Variants in ZZZ3 observed in about 807,000 individuals in gnomAD.
The protein encoded by ZZZ3 is zinc finger ZZ-type containing 3, also known as ZZ-type zinc finger-containing protein 3.
Under a neutral mutation model 95.2 loss-of-function variants are expected in ZZZ3, and 22 were observed. The ratio of observed to expected loss-of-function variants is 0.23; its 90% confidence interval spans 0.17 to 0.33. The LOEUF (loss-of-function observed/expected upper bound fraction) is 0.33, where lower values mean the gene tolerates loss of function less well. Ranked by LOEUF, ZZZ3 falls within the 10% of genes least tolerant of loss-of-function variation. The pLI, the probability that ZZZ3 is intolerant of heterozygous loss-of-function variation, is 1.00. For synonymous variants in ZZZ3, 335 were observed against 358.9 expected (o/e 0.93, Z 0.75); for missense variants, 885 against 1,066.5 (o/e 0.83, Z 2.37).
At chr1:77,662,435 C>T (rs1281384852) in intron 1 of ZZZ3, among the ~76,000 whole-genome samples, 1 of 152,098 alleles carries the variant, frequency 6.6e-6, no homozygotes, top group African/African-American at 2.4e-5. Context: ...TAAACCAATG[C>T]ACCTCACCCA....
intron 1 of ZZZ3, among the ~76,000 whole-genome samples, chr1:77,661,750 G>C (rs1670808422): frequency 6.6e-6 from 1 of 152,066 alleles, no homozygotes; most frequent in South Asian, 2.1e-4. Flanking sequence ...TTCCAAGTTA[G>C]AGGAGTCTCT....
chr1:77,650,931 G>T (rs973165944), intron 1 of ZZZ3, among the ~76,000 whole-genome samples: 3 of 152,000 alleles, frequency 2.0e-5, no homozygotes, highest in African/African-American at 2.4e-5. Flanking sequence ...CACAACAAGG[G>T]TACCAAAACA....
At chr1:77,639,286 A>G (rs951448146) in intron 4 of ZZZ3, among the ~76,000 whole-genome samples, 163 bp downstream of exon 4, 3 of 152,008 alleles carry the variant, frequency 2.0e-5, no homozygotes, top group African/African-American at 7.2e-5. Context: ...TTCATTCCTA[A>G]CCCATTCCCT....
chr1:77,669,874 T>C (rs1671593981), intron 1 of ZZZ3, among the ~76,000 whole-genome samples: 1 of 152,056 alleles, frequency 6.6e-6, no homozygotes, highest in African/African-American at 2.4e-5. Context: ...AAGAAAACTG[T>C]AATAGGCTGA....
At position 77,632,269 on chromosome 1, in the gene ZZZ3, T is replaced by C. The variant is rs1264876465; in HGVS notation, c.1086A>G (p.Ser362=). The C allele has an allele frequency of 1.2e-6, 2 of 1,614,150 alleles. No homozygotes were observed. The highest frequency in any genetic ancestry group is 1.7e-6 in the Non-Finnish European group (2 of 1,180,014). ...GTTCTGATAAAGACATCATTTGAGC[T>C]GAAACACAGTCTAGAACAGGAGATG... The part of the protein sequence containing the change: ...PEPSPVLDCV[S]AQMMSLSEPQ... Residue 362 remains serine (S), a synonymous_variant, in exon 5 of 15, where the codon TCA becomes TCG. Coordinates refer to ENST00000370801, the MANE Select transcript of ZZZ3 (RefSeq NM_015534.6).
chr1:77,578,918 C>T (rs748134357), intron 10 of ZZZ3, 49 bp from the exon 11 acceptor site: 145 of 1,233,486 alleles, frequency 1.2e-4, no homozygotes, highest in Non-Finnish European at 1.6e-4. Flanking sequence ...ACATACAATA[C>T]CTGAGTCGTT....
chr1:77,570,638 GTTATT>G (rs1405900811), intron 12 of ZZZ3, among the ~76,000 whole-genome samples: 4 of 150,522 alleles, frequency 2.7e-5, no homozygotes, highest in African/African-American at 7.3e-5. Context: ...ACTTTTTCCT[GTTATT>G]TTATTTTTAT....
chr1:77,647,322 C>A (rs1429761220), intron 1 of ZZZ3, among the ~76,000 whole-genome samples: 1 of 152,116 alleles, frequency 6.6e-6, no homozygotes, highest in African/African-American at 2.4e-5. Context: ...GGTTCAAAAC[C>A]GGCCTAGCCA....
intron 1 of ZZZ3, among the ~76,000 whole-genome samples, chr1:77,661,522 C>G (rs1189567019): frequency 1.3e-5 from 2 of 152,066 alleles, no homozygotes; most frequent in East Asian, 3.8e-4. Context: ...GAAAACATAC[C>G]ATACTGGCTT....
chr1:77,627,901 C>A (rs1366860353), intron 5 of ZZZ3, among the ~76,000 whole-genome samples: 2 of 152,190 alleles, frequency 1.3e-5, no homozygotes, highest in Non-Finnish European at 2.9e-5. Flanking sequence ...TACCCAAGGT[C>A]TTTCAAACAC....
At chr1:77,577,781 C>T (rs373813204) in intron 11 of ZZZ3, among the ~76,000 whole-genome samples, 1 of 152,066 alleles carries the variant, frequency 6.6e-6, no homozygotes, top group Non-Finnish European at 1.5e-5. Flanking sequence ...CCACCACACC[C>T]GGCTAATTTT....
At chr1:77,665,557 T>A (rs1671172466) in intron 1 of ZZZ3, among the ~76,000 whole-genome samples, 1 of 152,204 alleles carries the variant, frequency 6.6e-6, no homozygotes, top group African/African-American at 2.4e-5. Context: ...GTTTCTAAAT[T>A]TAAAATAGTA....
At position 77,565,602 on chromosome 1, in the gene ZZZ3, G is replaced by A. The variant is rs182576439; in HGVS notation, c.*38C>T. On this transcript the variant is annotated 3_prime_UTR_variant, in exon 15 of 15. Transcript: ENST00000370801. ...TAATTAACAATGATACCATTGCTAT[G>A]TGTTGAAGAGGACTAGTAAATGATG... The A allele has an allele frequency of 1.7e-4, 271 of 1,598,776 alleles. No individual in the cohort carries two copies. Among genetic ancestry groups the A allele is most frequent in the Non-Finnish European group, 2.1e-4 (245 of 1,170,662 alleles).
At chr1:77,611,242 AAAAAAAAAC>A (rs1373788088) in intron 5 of ZZZ3, among the ~76,000 whole-genome samples, 6 of 149,016 alleles carry the variant, frequency 4.0e-5, no homozygotes, top group Non-Finnish European at 8.9e-5. Flanking sequence ...CAAAAAAAAA[AAAAAAAAAC>A]AACCCACATG....
Position 77,632,185 on chromosome 1 carries a change from A to G in ZZZ3, c.1170T>C (p.Gly390=), listed in dbSNP as rs1212397845. 2.5e-6 allele frequency: 4 copies of G among 1,613,926 alleles called. No homozygotes were observed. Among genetic ancestry groups the G allele is most frequent in the East Asian group, 2.2e-5 (1 of 44,890 alleles). The part of the protein sequence containing the change: ...TSPRRAAPTR[G]SPTKNSSPYR... ...AAGGAGAACTGTTTTTAGTGGGACT[A>G]CCTCTGGTAGGGGCTGCCCTTCGTG... The change falls in exon 5 of 15, where the codon GGT becomes GGC. Residue 390 remains glycine (G), a synonymous_variant. Transcript: ENST00000370801.
chr1:77,680,247 A>C (rs1270283069), intron 1 of ZZZ3, among the ~76,000 whole-genome samples: 1 of 152,234 alleles, frequency 6.6e-6, no homozygotes, highest in African/African-American at 2.4e-5. Flanking sequence ...ATAGACCCAG[A>C]ACTATCTAAA....
At chr1:77,653,262 T>G (rs926562278) in intron 1 of ZZZ3, among the ~76,000 whole-genome samples, 2 of 152,176 alleles carry the variant, frequency 1.3e-5, no homozygotes, top group Non-Finnish European at 2.9e-5. Flanking sequence ...GATAAGTGAT[T>G]GCAGAGACTG....
At chr1:77,647,179 A>C (rs1187548851) in intron 1 of ZZZ3, among the ~76,000 whole-genome samples, 3 of 152,198 alleles carry the variant, frequency 2.0e-5, no homozygotes, top group Non-Finnish European at 4.4e-5. Flanking sequence ...GAATCGGAAA[A>C]AAATACATGG....
intron 5 of ZZZ3, among the ~76,000 whole-genome samples, chr1:77,622,077 G>A (rs1016400227): frequency 2.0e-5 from 3 of 149,364 alleles, no homozygotes; most frequent in Admixed American, 6.7e-5. Flanking sequence ...TTGGGAGGCC[G>A]AGGAAAGAGG....
Sources: gnomAD v4.1 joint callset for allele counts (sites outside exome capture counted in the v4.1 genomes callset) on GRCh38, gnomAD v4.1.1 for gene constraint, MANE v1.5 for transcripts, NCBI Gene and HGNC (gene_info 2026-07-23, HGNC 2026-07-21) for gene names.